TUSC3: variants seen among roughly 807,000 people sequenced by gnomAD.
The protein encoded by TUSC3 is dolichyl-diphosphooligosaccharide--protein glycosyltransferase subunit TUSC3.
In TUSC3, 45 loss-of-function variants were observed where a neutral mutation model predicts 44.8. The observed-to-expected ratio is 1.00, with a 90% CI of 0.79 to 1.29. The LOEUF (loss-of-function observed/expected upper bound fraction) is 1.29, where lower values mean the gene tolerates loss of function less well. Among genes scored for constraint, TUSC3 ranks in the 50% most tolerant of loss-of-function variants. The pLI is 0.00. For synonymous variants in TUSC3, 212 were observed against 152.9 expected (o/e 1.39, Z -2.85); for missense variants, 519 against 437.9 (o/e 1.19, Z -1.65).
intron 2 of TUSC3, among the ~76,000 whole-genome samples, chr8:15,524,432 A>G (rs1032580741): frequency 2.0e-5 from 3 of 152,202 alleles, no homozygotes; most frequent in Non-Finnish European, 2.9e-5. Flanking sequence ...GTGTGAACTT[A>G]TAACAGTAAT....
intron 7 of TUSC3, among the ~76,000 whole-genome samples, chr8:15,737,422 T>G (rs567007054): frequency 6.6e-6 from 1 of 152,278 alleles, no homozygotes; most frequent in South Asian, 2.1e-4. Flanking sequence ...CTCTGGGTAT[T>G]GTATGTAATT....
intron 1 of TUSC3, among the ~76,000 whole-genome samples, chr8:15,426,704 A>G (rs1231821077): frequency 1.3e-5 from 2 of 152,346 alleles, no homozygotes; most frequent in East Asian, 1.9e-4. Context: ...GGGTGAAGCT[A>G]TCTCTCCAAG....
intron 2 of TUSC3, among the ~76,000 whole-genome samples, chr8:15,488,545 A>C: frequency 6.6e-6 from 1 of 152,186 alleles, no homozygotes; most frequent in African/African-American, 2.4e-5. Context: ...AAAATAGACA[A>C]TGTTGTGTCC....
At chr8:15,438,610 G>A (rs561487357) in intron 1 of TUSC3, among the ~76,000 whole-genome samples, 1 of 152,298 alleles carries the variant, frequency 6.6e-6, no homozygotes, top group African/African-American at 2.4e-5. Flanking sequence ...GCTCAGCAAA[G>A]ATGGTTTCAT....
At chr8:15,450,598 C>T (rs569859968) in intron 1 of TUSC3, among the ~76,000 whole-genome samples, 24 of 152,046 alleles carry the variant, frequency 1.6e-4, no homozygotes, top group South Asian at 4.2e-4. Flanking sequence ...TGAACCCGGG[C>T]GGCAGAGGTT....
At chr8:15,446,604 G>A (rs1194460602) in intron 1 of TUSC3, among the ~76,000 whole-genome samples, 1 of 151,772 alleles carries the variant, frequency 6.6e-6, no homozygotes. Flanking sequence ...GCGGGCGCCT[G>A]CAATCCCAGG....
the TUSC3 span, among the ~76,000 whole-genome samples, chr8:15,838,268 A>G: frequency 6.6e-6 from 1 of 152,184 alleles, no homozygotes; most frequent in South Asian, 2.1e-4. Flanking sequence ...TTATGGGGAT[A>G]TTCACCCAAT....
intron 5 of TUSC3, among the ~76,000 whole-genome samples, chr8:15,668,100 G>T (rs772129289): frequency 6.6e-6 from 1 of 151,756 alleles, no homozygotes; most frequent in Non-Finnish European, 1.5e-5. Flanking sequence ...TCCCACTGCA[G>T]TGAGGTGGAA....
chr8:15,489,943 T>C (rs1800784564), intron 2 of TUSC3, among the ~76,000 whole-genome samples: 2 of 152,154 alleles, frequency 1.3e-5, no homozygotes, highest in Non-Finnish European at 2.9e-5. Context: ...GAAAATCCTA[T>C]ATTGTAAAGT....
intron 1 of TUSC3, among the ~76,000 whole-genome samples, chr8:15,543,036 C>G (rs911620913): frequency 6.6e-6 from 1 of 152,194 alleles, no homozygotes; most frequent in Non-Finnish European, 1.5e-5. Flanking sequence ...AAACTGTGAT[C>G]TCTTCCAATA....
the TUSC3 span, among the ~76,000 whole-genome samples, chr8:15,781,073 G>A: frequency 2.0e-5 from 3 of 152,170 alleles, no homozygotes; most frequent in African/African-American, 7.2e-5. Context: ...CCAGCAGCCT[G>A]AGCAGGAGCT....
At chr8:15,549,879 G>A (rs1253824909) in intron 1 of TUSC3, among the ~76,000 whole-genome samples, 1 of 151,600 alleles carries the variant, frequency 6.6e-6, no homozygotes, top group Non-Finnish European at 1.5e-5. Flanking sequence ...CTCAGACACT[G>A]AATTGTAGAA....
At chr8:15,587,457 A>G (rs531333945) in intron 1 of TUSC3, among the ~76,000 whole-genome samples, 51 of 152,270 alleles carry the variant, frequency 3.3e-4, no homozygotes, top group Admixed American at 2.9e-3. Flanking sequence ...TAATAACTGT[A>G]TATATTTATG....
intron 1 of TUSC3, among the ~76,000 whole-genome samples, chr8:15,439,799 T>G (rs190727479): frequency 6.2e-4 from 94 of 152,340 alleles, no homozygotes; most frequent in African/African-American, 2.1e-3. Flanking sequence ...TTTATTCATT[T>G]CTGCCTTGCA....
At chr8:15,536,468 G>A (rs1225835505), upstream of TUSC3, among the ~76,000 whole-genome samples, 2 of 151,834 alleles carry the variant, frequency 1.3e-5, no homozygotes, top group Admixed American at 6.6e-5. Context: ...GATCACCTGA[G>A]GTCAGTAGTA....
At chr8:15,672,204 A>T (rs1045886877) in intron 5 of TUSC3, among the ~76,000 whole-genome samples, 2 of 152,006 alleles carry the variant, frequency 1.3e-5, no homozygotes, top group African/African-American at 4.8e-5. Flanking sequence ...GTATGGGAGC[A>T]AATTGTGGGG....
At chr8:15,580,954 C>G (rs1259067151) in intron 1 of TUSC3, among the ~76,000 whole-genome samples, 1 of 109,262 alleles carries the variant, frequency 9.2e-6, no homozygotes, top group Admixed American at 9.9e-5. Context: ...TTCAGGTACA[C>G]CAATCAGACG....
At chr8:15,706,858 A>T (rs1390053681) in intron 6 of TUSC3, among the ~76,000 whole-genome samples, 1 of 151,900 alleles carries the variant, frequency 6.6e-6, no homozygotes, top group Non-Finnish European at 1.5e-5. Context: ...TTATTCTTTT[A>T]CTATTTTGTC....
intron 1 of TUSC3, among the ~76,000 whole-genome samples, chr8:15,437,169 A>G (rs974837977): frequency 6.6e-6 from 1 of 152,194 alleles, no homozygotes; most frequent in Non-Finnish European, 1.5e-5. Context: ...ACTAATCATT[A>G]GTCCCATAGT....
Sources: allele counts gnomAD v4.1 joint callset (sites outside exome capture counted in the v4.1 genomes callset), GRCh38; gene constraint gnomAD v4.1.1; transcripts MANE v1.5; gene names NCBI Gene and HGNC (gene_info 2026-07-23, HGNC 2026-07-21).